WDR27: variants seen among roughly 807,000 people sequenced by gnomAD.
WDR27 encodes the protein WD repeat domain 27.
Under a neutral mutation model 114.4 loss-of-function variants are expected in WDR27, and 100 were observed. The ratio of observed to expected loss-of-function variants is 0.87; its 90% CI spans 0.74 to 1.03. WDR27 has a LOEUF of 1.03. Ranked by LOEUF, WDR27 falls within the 50% of genes least tolerant of loss-of-function variation. The pLI is 0.00. For missense variants in WDR27, 1,129 were observed against 1,092.9 expected, an observed-to-expected ratio of 1.03 and a Z score of -0.47; for synonymous variants, 449 against 423.1, an observed-to-expected ratio of 1.06 and a Z score of -0.75.
At chr6:169,468,404 CA>C (rs1199060998) in intron 25 of WDR27, among the ~76,000 whole-genome samples, 2 of 152,156 alleles carry the variant, frequency 1.3e-5, no homozygotes, top group Non-Finnish European at 2.9e-5. Flanking sequence ...TGTCATGGCA[CA>C]AGGGAAAGCA....
chr6:169,527,911 AAAC>A (rs1795133751), intron 25 of WDR27, among the ~76,000 whole-genome samples: 1 of 152,184 alleles, frequency 6.6e-6, no homozygotes, highest in Non-Finnish European at 1.5e-5. Context: ...TTGAAATGAA[AAAC>A]AACGTTAAGA....
Position 169,672,325 on chromosome 6 carries a change from T to A in WDR27, c.261A>T (p.Leu87=). The change falls in exon 3 of 26, where the codon CTA becomes CTT. Residue 87 remains leucine (L), a synonymous_variant. Transcript: ENST00000448612. ...MAFGNKVNPL[L]ICSASLDYVI... ...CATAATCCAGTGATGCTGAGCAGAT[T>A]AGAAGTGGGTTCACTTTATTTCCAA... 1 of 1,613,604 alleles carries A rather than the reference T, an allele frequency of 6.2e-7. No homozygotes were observed. Among genetic ancestry groups the A allele is most frequent in the Non-Finnish European group, 8.5e-7 (1 of 1,179,638 alleles).
chr6:169,553,133 T>A (rs1798422310), intron 25 of WDR27, among the ~76,000 whole-genome samples: 1 of 147,190 alleles, frequency 6.8e-6, no homozygotes, highest in Admixed American at 6.8e-5. Flanking sequence ...GGGGACGCCA[T>A]CAGAGAGACC....
Position 169,522,242 on chromosome 6 carries a change from T to C in WDR27, c.2645+50177A>G, listed in dbSNP as rs117693045. ...ACTGTAAAAAGAGACAAAAACACTA[T>C]ATAATGATAAAGGGGTCAATTCAGC... On this transcript the variant is annotated intron_variant, in intron 25 of 25. Transcript: ENST00000448612. 1.9e-3 allele frequency among the ~76,000 whole-genome samples: 283 copies of C among 152,104 alleles called. 4 individuals carry two copies. The East Asian group carries it at 0.03, about 16-fold the overall frequency.
intron 25 of WDR27, among the ~76,000 whole-genome samples, chr6:169,570,845 A>T (rs1201764865): frequency 6.6e-6 from 1 of 152,106 alleles, no homozygotes; most frequent in Non-Finnish European, 1.5e-5. Context: ...AAAAGAAAAA[A>T]GCTCTATTTA....
rs77657492 is a variant in WDR27 at position 169,495,004 on chromosome 6, G to A, written c.2646-37370C>T. ...AAAAACCACATACACATTACCGTAA[G>A]TCAATGTTTAAAATACATAATGTAA... On this transcript the variant is annotated intron_variant, in intron 25 of 25. Coordinates refer to ENST00000448612, the MANE Select transcript of WDR27 (RefSeq NM_182552.5). Among the ~76,000 whole-genome samples the A allele has an allele frequency of 5.1e-3, 782 of 152,254 alleles. 4 individuals are homozygous for A. The highest frequency in any genetic ancestry group is 0.018 in the African/African-American group (742 of 41,542).
chr6:169,438,244 T>C, the WDR27 span, among the ~76,000 whole-genome samples: 11 of 146,476 alleles, frequency 7.5e-5, no homozygotes, highest in African/African-American at 2.5e-4. Context: ...TTCTTTTTTT[T>C]TTTTTTTTTT....
intron 22 of WDR27, among the ~76,000 whole-genome samples, chr6:169,607,561 T>C (rs1035109181): frequency 2.6e-5 from 4 of 152,146 alleles, no homozygotes; most frequent in African/African-American, 7.2e-5. Flanking sequence ...CACCTATGTG[T>C]GGCAGATAAA....
At chr6:169,665,604 C>A (rs1827632682) in intron 6 of WDR27, 48 bp from the exon 7 acceptor site, 1 of 1,555,422 alleles carries the variant, frequency 6.4e-7, no homozygotes, top group Non-Finnish European at 8.8e-7. Flanking sequence ...TGCCTGGTAC[C>A]AATTAACCCG....
At chr6:169,466,521 G>A (rs1785609517) in intron 25 of WDR27, among the ~76,000 whole-genome samples, 1 of 152,124 alleles carries the variant, frequency 6.6e-6, no homozygotes, top group Non-Finnish European at 1.5e-5. Context: ...GAACAAATGA[G>A]GGTAACTGCT....
the WDR27 span, among the ~76,000 whole-genome samples, chr6:169,431,404 G>T: frequency 4.6e-5 from 7 of 152,152 alleles, no homozygotes; most frequent in African/African-American, 1.7e-4. Context: ...ACTACAACAC[G>T]CAGCCCCCAC....
chr6:169,515,110 G>A (rs1050578964), intron 25 of WDR27, among the ~76,000 whole-genome samples: 5 of 152,000 alleles, frequency 3.3e-5, no homozygotes, highest in African/African-American at 1.2e-4. Context: ...TGGGTCGTGG[G>A]TCTTTAAATT....
intron 21 of WDR27, among the ~76,000 whole-genome samples, chr6:169,618,420 G>A (rs910978171): frequency 1.4e-4 from 21 of 151,944 alleles, no homozygotes; most frequent in Non-Finnish European, 2.5e-4. Flanking sequence ...CATAAAACAC[G>A]TATGCATTTT....
At chr6:169,583,523 AC>A (rs1803968489) in intron 23 of WDR27, among the ~76,000 whole-genome samples, 9 of 143,690 alleles carry the variant, frequency 6.3e-5, no homozygotes, top group Admixed American at 1.4e-4. Context: ...ACACACACAC[AC>A]ACACACACAC....
At chr6:169,478,618 A>T (rs759666715) in intron 25 of WDR27, among the ~76,000 whole-genome samples, 3 of 152,226 alleles carry the variant, frequency 2.0e-5, no homozygotes, top group African/African-American at 4.8e-5. Flanking sequence ...GCCACAACAA[A>T]GCAATCTTAA....
intron 24 of WDR27, among the ~76,000 whole-genome samples, chr6:169,577,209 G>A (rs1429173798): frequency 6.6e-6 from 1 of 152,200 alleles, no homozygotes; most frequent in Non-Finnish European, 1.5e-5. Flanking sequence ...ATTTTCTGCC[G>A]GGTGGGTGCT....
At chr6:169,633,257 T>G (rs943264815) in intron 20 of WDR27, among the ~76,000 whole-genome samples, 189 bp from the exon 21 acceptor site, 1 of 152,064 alleles carries the variant, frequency 6.6e-6, no homozygotes, top group Non-Finnish European at 1.5e-5. Context: ...TGACTCCAGG[T>G]GTTGGCAAGA....
At position 169,547,258 on chromosome 6, in the gene WDR27, C is replaced by A. The variant is rs137930240; in HGVS notation, c.2645+25161G>T. 4.4e-3 allele frequency among the ~76,000 whole-genome samples: 672 copies of A among 152,110 alleles called. 4 individuals carry two copies. Among genetic ancestry groups the A allele is most frequent in the Middle Eastern group, 6.8e-3 (2 of 294 alleles). ...CCAGATATTTAAATAAGAAATGAAT[C>A]CAATTCTCTATAATCTCCTTTAAAG... is the stretch of plus-strand genomic sequence containing the variant. On this transcript the variant is annotated intron_variant, in intron 25 of 25. Coordinates refer to ENST00000448612, the MANE Select transcript of WDR27 (RefSeq NM_182552.5).
At chr6:169,629,582 T>C (rs908171695) in intron 21 of WDR27, among the ~76,000 whole-genome samples, 1 of 152,048 alleles carries the variant, frequency 6.6e-6, no homozygotes, top group Non-Finnish European at 1.5e-5. Flanking sequence ...ATTGACAATG[T>C]TTGAGACAAG....
Sources: gnomAD v4.1 joint callset for allele counts (sites outside exome capture counted in the v4.1 genomes callset) on GRCh38, gnomAD v4.1.1 for gene constraint, MANE v1.5 for transcripts, NCBI Gene and HGNC (gene_info 2026-07-23, HGNC 2026-07-21) for gene names.